The following F13A1 variants were observed in gnomAD, a reference collection of about 807,000 sequenced individuals.
F13A1 encodes the protein FSF, A subunit.
A neutral mutation model predicts 80.1 loss-of-function variants in F13A1; 47 were observed. That is an observed-to-expected ratio of 0.59 (90% confidence interval 0.46 to 0.75). The LOEUF (loss-of-function observed/expected upper bound fraction) is 0.75. Among genes scored for constraint, F13A1 ranks in the 30% least tolerant of loss-of-function variants. F13A1 has a pLI of 0.00. For missense variants in F13A1, 817 were observed against 930.4 expected (o/e 0.88, Z 1.59); for synonymous variants, 349 against 344.9 (o/e 1.01, Z -0.13).
intron 13 of F13A1, among the ~76,000 whole-genome samples, chr6:6,160,785 A>G (rs1760559726): frequency 6.6e-6 from 1 of 152,246 alleles, no homozygotes; most frequent in South Asian, 2.1e-4. Flanking sequence ...CTAATGGACA[A>G]AATAAATACA....
chr6:6,193,895 A>G (rs1218672044), intron 10 of F13A1, among the ~76,000 whole-genome samples: 1 of 152,240 alleles, frequency 6.6e-6, no homozygotes, highest in Non-Finnish European at 1.5e-5. Flanking sequence ...ACGAGGGGAT[A>G]AAATTCCAAG....
Position 6,250,768 on chromosome 6 carries a change from A to C in F13A1, c.690+43T>G, listed in dbSNP as rs2113102176. On this transcript the variant is annotated intron_variant, in intron 5 of 14. Transcript: ENST00000264870. The surrounding 1 kb of genome is among the most constrained non-coding windows in gnomAD (Gnocchi z 4.2). ...AGGGATACATGTGACAAAAAATATGAAGTAAAAATGTCCTTGACAATAACA... is the reference window on the plus strand; with the variant it reads ...AGGGATACATGTGACAAAAAATATGCAGTAAAAATGTCCTTGACAATAACA... The C allele has an allele frequency of 1.5e-6, 2 of 1,292,016 alleles. No individual in the cohort carries two copies. Among genetic ancestry groups the C allele is most frequent in the Non-Finnish European group, 2.3e-6 (2 of 887,688 alleles). 80.0% of individuals were successfully genotyped at this position (1,292,016 alleles called of 1,614,324 possible).
chr6:6,268,687 ATTTT>A lies in F13A1; in HGVS notation c.320-1882_320-1879del, dbSNP rs71540894. Among the ~76,000 whole-genome samples the A allele has an allele frequency of 1.3e-3, 185 of 137,348 alleles. 1 individual carries two copies. The East Asian group carries it at 0.015, about 11-fold the overall frequency. 90.1% of individuals were successfully genotyped at this position (137,348 alleles called of 152,430 possible). A position where few individuals can be genotyped will look rare whatever the true frequency, so the allele number is the denominator to read the frequency against. On this transcript the variant is annotated intron_variant, in intron 3 of 14. Transcript: ENST00000264870. Reference sequence around the variant, plus strand: ...GTAGGGGCTGGCTGAGGGGGCACTCATTTTTTTTTTTTTTTTTTGAGAAGGACTT... The same window carrying A: ...GTAGGGGCTGGCTGAGGGGGCACTCATTTTTTTTTTTTTTGAGAAGGACTT...
intron 3 of F13A1, among the ~76,000 whole-genome samples, chr6:6,284,824 C>A (rs1758113214): frequency 6.6e-6 from 1 of 152,214 alleles, no homozygotes; most frequent in South Asian, 2.1e-4. Context: ...CATCTCAAGA[C>A]CTCCCTGCCC....
intron 3 of F13A1, among the ~76,000 whole-genome samples, chr6:6,296,716 C>T (rs1382014107): frequency 3.3e-4 from 47 of 143,406 alleles, no homozygotes; most frequent in African/African-American, 1.0e-3. Flanking sequence ...ACTTCCTCTT[C>T]TCCTAATTGA....
chr6:6,312,001 GTA>G (rs905737031), intron 2 of F13A1, among the ~76,000 whole-genome samples: 5 of 147,094 alleles, frequency 3.4e-5, no homozygotes, highest in African/African-American at 1.2e-4. Flanking sequence ...TATGATATGT[GTA>G]TATATATTAT....
intron 3 of F13A1, among the ~76,000 whole-genome samples, chr6:6,286,656 T>C (rs1261041891): frequency 6.6e-6 from 1 of 152,160 alleles, no homozygotes; most frequent in Non-Finnish European, 1.5e-5. Context: ...CACTAACACC[T>C]AGACGTGCAT....
rs567086298 is a variant in F13A1 at position 6,210,351 on chromosome 6, C to CT, written c.1112+11681dup. ...TATATATATATATATATATATATTTCTTTTTTTTTTTTAGAGGCAGTCTTG... is the reference window on the plus strand; with the variant it reads ...TATATATATATATATATATATATTTCTTTTTTTTTTTTTAGAGGCAGTCTTG... On this transcript the variant is annotated intron_variant, in intron 8 of 14. Coordinates refer to ENST00000264870, the MANE Select transcript of F13A1 (RefSeq NM_000129.4). Among the ~76,000 whole-genome samples, 81 of 51,096 alleles carry CT rather than the reference C, an allele frequency of 1.6e-3. 1 individual carries two copies. Among genetic ancestry groups the CT allele is most frequent in the South Asian group, 7.8e-3 (10 of 1,282 alleles). The allele number at this position is 51,096 out of a possible 152,430, so 33.5% of individuals were successfully genotyped here. A position where few individuals can be genotyped will look rare whatever the true frequency, so the allele number is the denominator to read the frequency against.
At chr6:6,315,305 T>C (rs1354227306) in intron 2 of F13A1, among the ~76,000 whole-genome samples, 1 of 152,192 alleles carries the variant, frequency 6.6e-6, no homozygotes, top group Non-Finnish European at 1.5e-5. Context: ...GAGGAGATCG[T>C]CTCAGTACCT....
chr6:6,314,438 T>C (rs1443451197), intron 2 of F13A1, among the ~76,000 whole-genome samples: 1 of 152,204 alleles, frequency 6.6e-6, no homozygotes, highest in African/African-American at 2.4e-5. Flanking sequence ...TTCTCTTTCA[T>C]CTTTTAGTCC....
At chr6:6,177,951 G>A (rs1190715801) in intron 11 of F13A1, among the ~76,000 whole-genome samples, 1 of 151,662 alleles carries the variant, frequency 6.6e-6, no homozygotes, top group Non-Finnish European at 1.5e-5. Flanking sequence ...ACCTGTGGGG[G>A]CATGCTCAGG....
intron 6 of F13A1, among the ~76,000 whole-genome samples, chr6:6,229,657 T>C (rs1480722868): frequency 6.6e-6 from 1 of 152,010 alleles, no homozygotes. Context: ...TGCTGTAAAT[T>C]TTAGATCCAG....
intron 13 of F13A1, among the ~76,000 whole-genome samples, chr6:6,159,478 T>C (rs1040287974): frequency 6.6e-6 from 1 of 152,216 alleles, no homozygotes; most frequent in African/African-American, 2.4e-5. Context: ...GACATGGGGC[T>C]GGAGCCAGGA....
chr6:6,318,804 T>G, intron 1 of F13A1, 122 bp from the exon 2 acceptor site: 1 of 1,058,002 alleles, frequency 9.5e-7, no homozygotes, highest in African/African-American at 1.6e-5. Context: ...GAGCAACACA[T>G]TTTGCCGTTT....
At chr6:6,269,202 A>G (rs1191427199) in intron 3 of F13A1, among the ~76,000 whole-genome samples, 1 of 151,762 alleles carries the variant, frequency 6.6e-6, no homozygotes, top group Admixed American at 6.6e-5. Flanking sequence ...CAAAGCACTC[A>G]TCCCCTGTCA....
In F13A1 at chr6:6,162,024, C is replaced by T. The variant is rs563231472; in HGVS notation, c.1908+5434G>A. On this transcript the variant is annotated intron_variant, in intron 13 of 14. Coordinates refer to ENST00000264870, the MANE Select transcript of F13A1 (RefSeq NM_000129.4). The surrounding 1 kb of genome is among the most constrained non-coding windows in gnomAD (Gnocchi z 4.2). ...AGTTCCAAGGCTGAGTTGGGTACTTCCTGGAGAAGACAATGCTTTGGGCAA... is the reference window on the plus strand; with the variant it reads ...AGTTCCAAGGCTGAGTTGGGTACTTTCTGGAGAAGACAATGCTTTGGGCAA... Among the ~76,000 whole-genome samples, 27 of 152,230 alleles carry T rather than the reference C, an allele frequency of 1.8e-4. No homozygotes were observed. The highest frequency in any genetic ancestry group is 2.6e-4 in the Admixed American group (4 of 15,296).
intron 3 of F13A1, among the ~76,000 whole-genome samples, chr6:6,286,587 A>G (rs1018237367): frequency 6.6e-6 from 1 of 152,204 alleles, no homozygotes; most frequent in Non-Finnish European, 1.5e-5. Context: ...CTGTAGATCC[A>G]TGTGGATTCA....
intron 10 of F13A1, among the ~76,000 whole-genome samples, chr6:6,183,505 A>G (rs954816069): frequency 2.0e-5 from 3 of 152,226 alleles, no homozygotes; most frequent in Admixed American, 6.5e-5. Flanking sequence ...AGAACTTTAA[A>G]CAAAAATAGA....
chr6:6,316,665 T>C (rs2113204473), intron 2 of F13A1, among the ~76,000 whole-genome samples: 1 of 152,312 alleles, frequency 6.6e-6, no homozygotes, highest in South Asian at 2.1e-4. Context: ...TAGGAACAAG[T>C]ATTCCCTGGA....
Sources: allele counts gnomAD v4.1 joint callset (sites outside exome capture counted in the v4.1 genomes callset), GRCh38; gene constraint gnomAD v4.1.1; non-coding constraint Gnocchi (gnomAD v3.1); transcripts MANE v1.5; gene names NCBI Gene and HGNC (gene_info 2026-07-23, HGNC 2026-07-21).